Variants in PDGFC observed in about 807,000 individuals in gnomAD.
PDGFC encodes platelet-derived growth factor C.
A neutral mutation model predicts 35.5 loss-of-function variants in PDGFC; 12 were observed. The observed-to-expected ratio is 0.34, with a 90% CI of 0.22 to 0.55. PDGFC has a LOEUF of 0.55. PDGFC is among the 20% of genes least tolerant of loss of function. PDGFC has a pLI of 0.91. For synonymous variants in PDGFC, 159 were observed against 148.8 expected, an observed-to-expected ratio of 1.07 and a Z score of -0.50; for missense variants, 322 against 412.4, an observed-to-expected ratio of 0.78 and a Z score of 1.90.
chr4:156,958,339 A>G (rs1389264454), intron 1 of PDGFC, among the ~76,000 whole-genome samples: 3 of 151,758 alleles, frequency 2.0e-5, no homozygotes, highest in Admixed American at 1.3e-4. Flanking sequence ...AAAAAAAGGA[A>G]CTAGCAAGTC....
chr4:156,835,754 G>A (rs1018925176), intron 2 of PDGFC, among the ~76,000 whole-genome samples: 1 of 152,220 alleles, frequency 6.6e-6, no homozygotes, highest in Non-Finnish European at 1.5e-5. Flanking sequence ...TCACACGCCA[G>A]TGTTTTTACC....
At chr4:156,935,376 A>G (rs1387926379) in intron 1 of PDGFC, among the ~76,000 whole-genome samples, 1 of 152,244 alleles carries the variant, frequency 6.6e-6, no homozygotes, top group African/African-American at 2.4e-5. Flanking sequence ...AATCAGTAAC[A>G]CAGTCATTCA....
chr4:156,797,141 G>A lies in PDGFC; in HGVS notation c.495+13696C>T, dbSNP rs182174475. ...TAGTCCCAGCTACTTGGGAGGCTGA[G>A]GCAGGAGAATGGCATGAACCTGGGA... On this transcript the variant is annotated intron_variant, in intron 3 of 5. Coordinates refer to ENST00000502773, the MANE Select transcript of PDGFC (RefSeq NM_016205.3). Among the ~76,000 whole-genome samples, 24 of 151,884 alleles carry A rather than the reference G, an allele frequency of 1.6e-4. No individual in the cohort carries two copies. The East Asian group carries it at 4.6e-3, about 29-fold the overall frequency.
chr4:156,774,907 C>A (rs1216340775), intron 3 of PDGFC, among the ~76,000 whole-genome samples: 1 of 152,026 alleles, frequency 6.6e-6, no homozygotes, highest in Non-Finnish European at 1.5e-5. Flanking sequence ...CGCAAAGATA[C>A]ATGGAAAATG....
At chr4:156,890,917 A>G (rs1304950925) in intron 1 of PDGFC, among the ~76,000 whole-genome samples, 1 of 151,920 alleles carries the variant, frequency 6.6e-6, no homozygotes, top group African/African-American at 2.4e-5. Context: ...ATATGTGTAT[A>G]TGTGTGTGTG....
At chr4:156,896,055 A>C (rs1730627076) in intron 1 of PDGFC, among the ~76,000 whole-genome samples, 1 of 152,204 alleles carries the variant, frequency 6.6e-6, no homozygotes, top group Non-Finnish European at 1.5e-5. Flanking sequence ...GAAAATGAAT[A>C]ATAAAAATGA....
intron 3 of PDGFC, among the ~76,000 whole-genome samples, chr4:156,788,291 A>G (rs1328139079): frequency 2.0e-5 from 3 of 152,220 alleles, no homozygotes; most frequent in Admixed American, 2.0e-4. Context: ...AGGTGTCCAC[A>G]GAGAATCTCC....
At chr4:156,887,083 A>AT (rs1730394084) in intron 1 of PDGFC, among the ~76,000 whole-genome samples, 1 of 152,178 alleles carries the variant, frequency 6.6e-6, no homozygotes, top group African/African-American at 2.4e-5. Flanking sequence ...CTATTAACAA[A>AT]GTTATTTCTA....
intron 1 of PDGFC, among the ~76,000 whole-genome samples, chr4:156,963,267 A>G (rs754959821): frequency 2.6e-5 from 4 of 152,072 alleles, no homozygotes; most frequent in Non-Finnish European, 5.9e-5. Flanking sequence ...TAGGAGTTCA[A>G]GACCAGCCTG....
chr4:156,821,227 G>T (rs1180325143), intron 2 of PDGFC, among the ~76,000 whole-genome samples: 2 of 151,476 alleles, frequency 1.3e-5, no homozygotes, highest in African/African-American at 2.4e-5. Context: ...GTGTGAGAGA[G>T]TGTGAGTATA....
At chr4:156,897,345 A>AGTGTGT (rs1444359699) in intron 1 of PDGFC, among the ~76,000 whole-genome samples, 35 of 86,490 alleles carry the variant, frequency 4.0e-4, no homozygotes, top group Middle Eastern at 6.0e-3. Flanking sequence ...AGTGTGTGAG[A>AGTGTGT]GTGTATGTGT....
intron 2 of PDGFC, among the ~76,000 whole-genome samples, chr4:156,834,270 C>A (rs569430216): frequency 3.0e-4 from 46 of 152,224 alleles, no homozygotes; most frequent in African/African-American, 1.0e-3. Flanking sequence ...CTATTATAAT[C>A]ACTTTTTTGG....
intron 4 of PDGFC, chr4:156,770,743 A>T (rs975488021): frequency 6.6e-6 from 1 of 152,132 alleles, no homozygotes. Flanking sequence ...AAATGTCATT[A>T]ATATTATACG....
intron 1 of PDGFC, among the ~76,000 whole-genome samples, chr4:156,871,713 A>G (rs1331158662): frequency 2.0e-5 from 3 of 152,136 alleles, no homozygotes; most frequent in Non-Finnish European, 2.9e-5. Context: ...TTTATTGTTG[A>G]GCTTAATTAA....
chr4:156,831,439 C>CTTTTTTT (rs34254264), intron 2 of PDGFC, among the ~76,000 whole-genome samples: 7 of 99,320 alleles, frequency 7.0e-5, no homozygotes, highest in South Asian at 4.5e-4. Flanking sequence ...GAGACCCTGT[C>CTTTTTTT]TTTTTTTTTT....
intron 1 of PDGFC, among the ~76,000 whole-genome samples, chr4:156,859,416 T>G (rs1010447480): frequency 1.3e-5 from 2 of 152,088 alleles, no homozygotes; most frequent in African/African-American, 2.4e-5. Flanking sequence ...GATTAAATAA[T>G]GTCAATAAGT....
intron 3 of PDGFC, among the ~76,000 whole-genome samples, chr4:156,806,404 T>C (rs1047124385): frequency 2.6e-5 from 4 of 152,124 alleles, no homozygotes; most frequent in African/African-American, 9.7e-5. Flanking sequence ...ATCATTACTT[T>C]GGATCAGAAA....
chr4:156,940,584 T>G (rs1248322990), intron 1 of PDGFC, among the ~76,000 whole-genome samples: 1 of 152,082 alleles, frequency 6.6e-6, no homozygotes, highest in Non-Finnish European at 1.5e-5. Flanking sequence ...TGTGCCTTTT[T>G]GTGCACTGAT....
chr4:156,910,995 G>C (rs1333952781), intron 1 of PDGFC, among the ~76,000 whole-genome samples: 1 of 151,982 alleles, frequency 6.6e-6, no homozygotes, highest in Admixed American at 6.6e-5. Context: ...TCCATAGCTC[G>C]TCCTTTCATC....
Sources: gnomAD v4.1 joint callset for allele counts (sites outside exome capture counted in the v4.1 genomes callset) on GRCh38, gnomAD v4.1.1 for gene constraint, MANE v1.5 for transcripts, NCBI Gene and HGNC (gene_info 2026-07-23, HGNC 2026-07-21) for gene names.